The following CEP350 variants were observed in gnomAD, a reference collection of about 807,000 sequenced individuals.
CEP350 encodes centrosome-associated protein 350.
CEP350 carries 126 observed loss-of-function variants against 331.8 expected under a neutral mutation model. The ratio of observed to expected loss-of-function variants is 0.38; its 90% CI spans 0.33 to 0.44. The LOEUF (loss-of-function observed/expected upper bound fraction) is 0.44. Among genes scored for constraint, CEP350 ranks in the 20% least tolerant of loss-of-function variants. The pLI, the probability that CEP350 is intolerant of heterozygous loss-of-function variation, is 1.00. For missense variants in CEP350, 3,406 were observed against 3,634.6 expected, an observed-to-expected ratio of 0.94 and a Z score of 1.62; for synonymous variants, 1,200 against 1,259.5, an observed-to-expected ratio of 0.95 and a Z score of 1.00.
chr1:180,006,706 C>G, intron 8 of CEP350, 139 bp downstream of exon 8: 1 of 587,904 alleles, frequency 1.7e-6, no homozygotes, highest in Non-Finnish European at 3.1e-6. Flanking sequence ...TTTGCTGTAC[C>G]CATTAACCCG....
chr1:180,058,521 A>G (rs1657992757), intron 25 of CEP350, among the ~76,000 whole-genome samples: 2 of 152,226 alleles, frequency 1.3e-5, no homozygotes, highest in East Asian at 3.8e-4. Context: ...CATCAAAAGC[A>G]AAAAACCACA....
intron 1 of CEP350, among the ~76,000 whole-genome samples, chr1:179,961,355 G>A (rs1386978409): frequency 2.0e-5 from 3 of 152,146 alleles, no homozygotes; most frequent in Non-Finnish European, 1.5e-5. Context: ...GGCTAAGGCA[G>A]GAGAATCACT....
chr1:180,102,532 G>T (rs1447541921), intron 37 of CEP350, among the ~76,000 whole-genome samples: 2 of 152,142 alleles, frequency 1.3e-5, no homozygotes, highest in African/African-American at 4.8e-5. Flanking sequence ...TTTGCTCTAT[G>T]ATTTTGTTAC....
intron 25 of CEP350, among the ~76,000 whole-genome samples, chr1:180,056,858 G>A (rs1049501250): frequency 1.7e-4 from 26 of 151,850 alleles, no homozygotes; most frequent in Non-Finnish European, 3.7e-4. Flanking sequence ...CTTCTGTCTT[G>A]TTTGTATTTC....
At chr1:180,064,993 T>C (rs1055977451) in intron 26 of CEP350, 122 bp from the exon 27 acceptor site, 31 of 1,067,642 alleles carry the variant, frequency 2.9e-5, no homozygotes, top group Admixed American at 3.7e-5. Context: ...CTTTATTATC[T>C]TATTTTCAAC....
intron 1 of CEP350, among the ~76,000 whole-genome samples, chr1:179,956,146 G>C (rs1650154688): frequency 6.6e-6 from 1 of 152,176 alleles, no homozygotes. Flanking sequence ...GACTTTGAGG[G>C]ATTGTTAGAC....
At chr1:179,976,362 T>G (rs1651871647) in intron 1 of CEP350, among the ~76,000 whole-genome samples, 1 of 152,102 alleles carries the variant, frequency 6.6e-6, no homozygotes, top group African/African-American at 2.4e-5. Context: ...AAAGAAAACA[T>G]TTTCTGATGA....
At chr1:180,090,078 AAG>A (rs1660079294) in intron 32 of CEP350, among the ~76,000 whole-genome samples, 1 of 152,220 alleles carries the variant, frequency 6.6e-6, no homozygotes, top group African/African-American at 2.4e-5. Flanking sequence ...TTGAACAAAT[AAG>A]AGAGAGACAA....
intron 11 of CEP350, among the ~76,000 whole-genome samples, chr1:180,016,908 C>A (rs1306371397): frequency 2.0e-5 from 3 of 152,010 alleles, no homozygotes; most frequent in Non-Finnish European, 2.9e-5. Context: ...AGTGATCCAC[C>A]CACCTCAGCC....
chr1:180,021,091 G>A (rs1446517200), intron 12 of CEP350, 82 bp downstream of exon 12: 1 of 1,274,528 alleles, frequency 7.8e-7, no homozygotes, highest in Non-Finnish European at 1.0e-6. Flanking sequence ...ATGTACTTTA[G>A]TACACATTTT....
chr1:180,040,362 T>C (rs1656678940), intron 17 of CEP350, among the ~76,000 whole-genome samples: 1 of 152,150 alleles, frequency 6.6e-6, no homozygotes, highest in Non-Finnish European at 1.5e-5. Flanking sequence ...AGAAATACAT[T>C]ATAATTCTGG....
intron 1 of CEP350, among the ~76,000 whole-genome samples, chr1:179,973,441 AATCACCCTGTTCCT>A (rs1224592323): frequency 6.6e-6 from 1 of 152,158 alleles, no homozygotes; most frequent in African/African-American, 2.4e-5. Context: ...TTTAACTGTT[AATCACCCTGTTCCT>A]GTCAGTGAGT....
rs747252711 is a variant in CEP350 at position 180,093,539 on chromosome 1, A to G, written c.7434A>G (p.Gln2478=). The G allele has an allele frequency of 6.2e-7, 1 of 1,613,814 alleles. No individual in the cohort carries two copies. Among genetic ancestry groups the G allele is most frequent in the Non-Finnish European group, 8.5e-7 (1 of 1,179,748 alleles). Residue 2478 remains glutamine (Q), a synonymous_variant, in exon 34 of 38, where the codon CAA becomes CAG. Coordinates refer to ENST00000367607, the MANE Select transcript of CEP350 (RefSeq NM_014810.5). ...GCAGTGATGTGGAGCATGAACAGCA[A>G]GTTACTGAATCCCCTTCCTTGGCTT... ...KERSDVEHEQ[Q]VTESPSLASV... is the part of the protein sequence containing the mutation.
intron 31 of CEP350, 130 bp from the exon 32 acceptor site, chr1:180,087,448 C>A: frequency 5.3e-6 from 4 of 758,228 alleles, no homozygotes; most frequent in Non-Finnish European, 8.0e-6. Flanking sequence ...CTGAGGGGGG[C>A]AGGGAGGGAG....
At chr1:180,014,614 A>G in intron 10 of CEP350, 109 bp downstream of exon 10, 4 of 982,770 alleles carry the variant, frequency 4.1e-6, no homozygotes, top group Non-Finnish European at 5.8e-6. Context: ...GATAATACTT[A>G]TAATAATCAT....
At chr1:180,091,525 G>C (rs1047840055) in intron 33 of CEP350, among the ~76,000 whole-genome samples, 1 of 152,044 alleles carries the variant, frequency 6.6e-6, no homozygotes, top group African/African-American at 2.4e-5. Context: ...CCAAAAGAAA[G>C]TTAATTATTA....
chr1:180,008,360 T>G (rs970366674), intron 8 of CEP350, among the ~76,000 whole-genome samples: 3 of 152,198 alleles, frequency 2.0e-5, no homozygotes, highest in Non-Finnish European at 4.4e-5. Flanking sequence ...AGCAGTAGTA[T>G]TTATCCCACA....
At chr1:180,090,107 C>T (rs541194316) in intron 32 of CEP350, among the ~76,000 whole-genome samples, 88 of 152,196 alleles carry the variant, frequency 5.8e-4, no homozygotes, top group African/African-American at 2.0e-3. Flanking sequence ...TTCCTGCAGA[C>T]AGGAGGAAAG....
chr1:180,053,806 G>A lies in CEP350; in HGVS notation c.5046G>A (p.Glu1682=). The change falls in exon 24 of 38, where the codon GAG becomes GAA. Residue 1682 remains glutamate (E), a synonymous_variant. Coordinates refer to ENST00000367607, the MANE Select transcript of CEP350 (RefSeq NM_014810.5). ...GQDSFSKFTM[E]MVRQYMKEEE... is the part of the protein sequence containing the mutation. ...ATAGCTTTTCTAAATTTACTATGGA[G>A]ATGGTTCGACAGTATATGAAAGAGG... 1 of 1,607,652 alleles carries A rather than the reference G, an allele frequency of 6.2e-7. No homozygotes were observed. Among genetic ancestry groups the A allele is most frequent in the Non-Finnish European group, 8.5e-7 (1 of 1,175,688 alleles).
Sources: allele counts gnomAD v4.1 joint callset (sites outside exome capture counted in the v4.1 genomes callset), GRCh38; gene constraint gnomAD v4.1.1; transcripts MANE v1.5; gene names NCBI Gene and HGNC (gene_info 2026-07-23, HGNC 2026-07-21).